The following ACP6 variants were observed in gnomAD, a reference collection of about 807,000 sequenced individuals.
The protein encoded by ACP6 is acid phosphatase 6, lysophosphatidic.
Under a neutral mutation model 48.1 loss-of-function variants are expected in ACP6, and 48 were observed. The observed-to-expected ratio is 1.00, with a 90% CI of 0.79 to 1.27. The LOEUF (loss-of-function observed/expected upper bound fraction) is 1.27. Ranked by LOEUF, ACP6 falls within the 50% of genes most tolerant of loss-of-function variation. The probability of loss-of-function intolerance (pLI) is 0.00; values close to 1 mark genes in which losing one functional copy is unlikely to be tolerated. For synonymous variants in ACP6, 172 were observed against 204.2 expected, an observed-to-expected ratio of 0.84 and a Z score of 1.34; for missense variants, 485 against 529.1, an observed-to-expected ratio of 0.92 and a Z score of 0.82.
Position 147,659,449 on chromosome 1 carries a change from G to C in ACP6, c.426C>G (p.Asn142Lys), listed in dbSNP as rs781912802. Residue 142 changes from asparagine to lysine, a missense_variant, in exon 3 of 10, where the codon AAC becomes AAG. Coordinates refer to ENST00000583509, the MANE Select transcript of ACP6 (RefSeq NM_016361.5). ...AAAGAAAGGGAATGTCTTCCACATA[G>C]TTCTTCCTCAGTCTCTCTCCCAAGG... ...MFALGERLRK[N>K]YVEDIPFLSP... is the part of the protein sequence containing the mutation. 1 of 1,614,216 alleles carries C rather than the reference G, an allele frequency of 6.2e-7. No individual in the cohort carries two copies. Among genetic ancestry groups the C allele is most frequent in the South Asian group, 1.1e-5 (1 of 91,090 alleles).
intron 1 of ACP6, among the ~76,000 whole-genome samples, chr1:147,662,560 G>A (rs1036222354): frequency 5.3e-5 from 8 of 152,218 alleles, no homozygotes; most frequent in Non-Finnish European, 1.2e-4. Context: ...AATAGCAAGA[G>A]AACTAGAATT....
In ACP6 at chr1:147,642,321, A is replaced by G. The variant is rs1160237082; in HGVS notation, c.*5102T>C. 1 of 152,186 alleles carries G rather than the reference A, an allele frequency of 6.6e-6. No homozygotes were observed. The highest frequency in any genetic ancestry group is 1.5e-5 in the Non-Finnish European group (1 of 68,048). The allele number at this position is 152,186 out of a possible 1,614,324, so 9.4% of individuals were successfully genotyped here. On this transcript the variant is annotated 3_prime_UTR_variant, in exon 10 of 10. Coordinates refer to ENST00000583509, the MANE Select transcript of ACP6 (RefSeq NM_016361.5). ...CTCTGCACTTGGTTCTAGAAATACAATAAAAGACAAGACAAACAACCTTCT... is the reference window on the plus strand; with the variant it reads ...CTCTGCACTTGGTTCTAGAAATACAGTAAAAGACAAGACAAACAACCTTCT...
In ACP6 at chr1:147,659,702, C is replaced by CCAGCTAG. The variant is rs782265407; in HGVS notation, c.286_292dup (p.Gly98AlafsTer17). ...GTAAGGAGAATATGGTTTCGGACCA[C>CCAGCTAG]CAGCTAGATTGGTGACTGTGTAATC... On this transcript the variant is annotated frameshift_variant, in exon 2 of 10. Coordinates refer to ENST00000583509, the MANE Select transcript of ACP6 (RefSeq NM_016361.5). LOFTEE classifies it high-confidence loss of function. 5.5e-5 allele frequency: 88 copies of CCAGCTAG among 1,614,082 alleles called. 3 individuals are homozygous for CCAGCTAG. Among genetic ancestry groups the CCAGCTAG allele is most frequent in the Middle Eastern group, 4.9e-4 (3 of 6,082 alleles).
chr1:147,662,229 G>T (rs1660582621), intron 1 of ACP6, among the ~76,000 whole-genome samples: 1 of 152,208 alleles, frequency 6.6e-6, no homozygotes, highest in African/African-American at 2.4e-5. Context: ...AATTAATATT[G>T]TTTTTGTGCC....
chr1:147,637,701 A>G (rs1286193128), downstream of ACP6, among the ~76,000 whole-genome samples: 1 of 152,212 alleles, frequency 6.6e-6, no homozygotes, highest in Non-Finnish European at 1.5e-5. Context: ...ACCCCTCTTC[A>G]GTTGTGGGCA....
At chr1:147,668,503 C>T (rs1360645264) in intron 1 of ACP6, among the ~76,000 whole-genome samples, 1 of 151,836 alleles carries the variant, frequency 6.6e-6, no homozygotes, top group African/African-American at 2.4e-5. Context: ...AATTTTTTGT[C>T]TTCTACGTGA....
At chr1:147,638,765 T>C (rs782257856), downstream of ACP6, among the ~76,000 whole-genome samples, 1 of 152,210 alleles carries the variant, frequency 6.6e-6, no homozygotes, top group Non-Finnish European at 1.5e-5. Flanking sequence ...CTGATCCCCA[T>C]ACATGATCAA....
chr1:147,633,551 G>A (rs1421729956), intron 5 of ACP6, among the ~76,000 whole-genome samples: 8 of 149,592 alleles, frequency 5.3e-5, no homozygotes, highest in Admixed American at 5.3e-4. Flanking sequence ...GGAATTTTAG[G>A]AAATGAAAAC....
At position 147,670,007 on chromosome 1, in the gene ACP6, C is replaced by A. The variant is rs1553214418; in HGVS notation, c.42G>T (p.Val14=). The change falls in exon 1 of 10, where the codon GTG becomes GTT. Residue 14 remains valine (V), a synonymous_variant. Transcript: ENST00000583509. ...GVFSMRLWTP[V]GVLTSLAYCL... ...AGTACGCCAGCGAGGTCAGGACGCC[C>A]ACTGGGGTCCACAAGCGCATGCTGA... is the stretch of plus-strand genomic sequence containing the variant. The A allele has an allele frequency of 1.3e-6, 2 of 1,545,826 alleles. No individual in the cohort carries two copies. The highest frequency in any genetic ancestry group is 1.7e-6 in the Non-Finnish European group (2 of 1,144,644).
Position 147,646,085 on chromosome 1 carries a change from G to A in ACP6, c.*1338C>T, listed in dbSNP as rs1209647493. 1.3e-5 allele frequency: 2 copies of A among 152,170 alleles called. No individual in the cohort carries two copies. Among genetic ancestry groups the A allele is most frequent in the Non-Finnish European group, 2.9e-5 (2 of 68,028 alleles). 9.4% of individuals were successfully genotyped at this position (152,170 alleles called of 1,614,324 possible). ...CTCTTTTAGATTCTTAGTAAAATAG[G>A]AAATACAGTAACCAGCAGACTGAGG... On this transcript the variant is annotated 3_prime_UTR_variant, in exon 10 of 10. Coordinates refer to ENST00000583509, the MANE Select transcript of ACP6 (RefSeq NM_016361.5).
Position 147,645,261 on chromosome 1 carries a change from G to T in ACP6, c.*2162C>A, listed in dbSNP as rs1312593542. ...AATAATTTTTGTATTTTTAGTAGAG[G>T]CAGGTTTAGTGGAGACAGGGTTTTG... On this transcript the variant is annotated 3_prime_UTR_variant, in exon 10 of 10. Coordinates refer to ENST00000583509, the MANE Select transcript of ACP6 (RefSeq NM_016361.5). 6.6e-6 allele frequency: 1 copy of T among 151,614 alleles called. No homozygotes were observed. The highest frequency in any genetic ancestry group is 1.5e-5 in the Non-Finnish European group (1 of 67,884). 9.4% of individuals were successfully genotyped at this position (151,614 alleles called of 1,614,324 possible). A position where few individuals can be genotyped will look rare whatever the true frequency, so the allele number is the denominator to read the frequency against.
chr1:147,647,689 C>G lies in ACP6; in HGVS notation c.1144-123G>C, dbSNP rs587742777. 4.7e-6 allele frequency: 6 copies of G among 1,288,940 alleles called. No individual in the cohort carries two copies. In the South Asian group the frequency reaches 7.8e-5, roughly 17 times the overall value. The allele number at this position is 1,288,940 out of a possible 1,614,324, so 79.8% of individuals were successfully genotyped here. A position where few individuals can be genotyped will look rare whatever the true frequency, so the allele number is the denominator to read the frequency against. On this transcript the variant is annotated intron_variant, in intron 9 of 9. Transcript: ENST00000583509. Reference sequence around the variant, plus strand: ...TATACATGTGCATACATATTACAGACAGGAAGGCCCCACTACCCGGTGAGC... The same window carrying G: ...TATACATGTGCATACATATTACAGAGAGGAAGGCCCCACTACCCGGTGAGC...
chr1:147,662,497 A>G (rs914956284), intron 1 of ACP6, among the ~76,000 whole-genome samples: 3 of 152,220 alleles, frequency 2.0e-5, no homozygotes, highest in African/African-American at 7.2e-5. Context: ...ACCCTCATGG[A>G]TGACTTTGAA....
chr1:147,658,461 T>C (rs1042811214), intron 4 of ACP6, among the ~76,000 whole-genome samples: 10 of 152,090 alleles, frequency 6.6e-5, no homozygotes, highest in Admixed American at 3.3e-4. Flanking sequence ...GATGAAAAGG[T>C]TGGGAACCAC....
At chr1:147,641,232 T>C (rs1327329151), downstream of ACP6, among the ~76,000 whole-genome samples, 1 of 143,638 alleles carries the variant, frequency 7.0e-6, no homozygotes, top group African/African-American at 2.5e-5. Context: ...AGGTCAGCAC[T>C]CCAGGTCCCG....
intron 1 of ACP6, among the ~76,000 whole-genome samples, chr1:147,660,358 C>T (rs1660485722): frequency 6.6e-6 from 1 of 152,210 alleles, no homozygotes; most frequent in Non-Finnish European, 1.5e-5. Flanking sequence ...TTCAAAACAT[C>T]ACTAGTGGCC....
chr1:147,658,937 T>C, intron 4 of ACP6, 23 bp downstream of exon 4: 2 of 1,598,958 alleles, frequency 1.3e-6, no homozygotes, highest in Non-Finnish European at 1.7e-6. Flanking sequence ...GGACAGGGAC[T>C]GACTGGGACC....
In ACP6 at chr1:147,637,132, C is replaced by T. The variant is rs140668913; in HGVS notation, c.461-6067G>A. ...ATCATCTAATTAGAGGACCAAACTC[C>T]ATCCCTGACCACATGAAAAGCAAAA... On this transcript the variant is annotated intron_variant, in intron 5 of 5. Transcript: ENST00000609196. Among the ~76,000 whole-genome samples, 610 of 152,282 alleles carry T rather than the reference C, an allele frequency of 4.0e-3. 7 individuals are homozygous for T. Among genetic ancestry groups the T allele is most frequent in the African/African-American group, 0.014 (583 of 41,552 alleles).
chr1:147,634,703 T>C (rs782366286), intron 5 of ACP6, among the ~76,000 whole-genome samples: 5 of 152,218 alleles, frequency 3.3e-5, no homozygotes, highest in African/African-American at 4.8e-5. Context: ...TATTGAGTAA[T>C]TGGCTCTTTG....
Sources: allele counts gnomAD v4.1 joint callset (sites outside exome capture counted in the v4.1 genomes callset), GRCh38; gene constraint gnomAD v4.1.1; transcripts MANE v1.5; gene names NCBI Gene and HGNC (gene_info 2026-07-23, HGNC 2026-07-21).